The following TRAPPC9 variants were observed in gnomAD, a reference collection of about 807,000 sequenced individuals.
TRAPPC9 encodes trafficking protein particle complex subunit 9.
A neutral mutation model predicts 124.0 loss-of-function variants in TRAPPC9; 83 were observed. The ratio of observed to expected loss-of-function variants is 0.67; its 90% CI spans 0.56 to 0.80. The LOEUF is 0.80. TRAPPC9 is among the 30% of genes least tolerant of loss of function. The pLI is 0.00. For synonymous variants in TRAPPC9, 638 were observed against 617.5 expected (o/e 1.03, Z -0.49); for missense variants, 1,302 against 1,508.3 (o/e 0.86, Z 2.27).
chr8:140,228,418 T>C (rs1408589654), intron 16 of TRAPPC9, among the ~76,000 whole-genome samples: 1 of 152,234 alleles, frequency 6.6e-6, no homozygotes. Context: ...TAGCCAATAC[T>C]CATCCTTAAT....
intron 21 of TRAPPC9, among the ~76,000 whole-genome samples, chr8:139,874,177 G>T (rs1829175815): frequency 6.6e-6 from 1 of 152,238 alleles, no homozygotes; most frequent in African/African-American, 2.4e-5. Flanking sequence ...ATGGAAAAAT[G>T]AAACATTAAT....
rs532487091 is a variant in TRAPPC9 at position 139,967,904 on chromosome 8, C to T, written c.2810+20822G>A. Among the ~76,000 whole-genome samples, 150 of 152,110 alleles carry T rather than the reference C, an allele frequency of 9.9e-4. 1 individual carries two copies. The highest frequency in any genetic ancestry group is 3.4e-3 in the Middle Eastern group (1 of 294). ...CTATAATCCCAGCACTTTGGGAGGC[C>T]GAGGCGGGCGGACTGCCTGAGGTCA... is the stretch of plus-strand genomic sequence containing the variant. On this transcript the variant is annotated intron_variant, in intron 19 of 22. Transcript: ENST00000438773.
chr8:140,300,580 G>A lies in TRAPPC9; in HGVS notation c.1657C>T (p.Arg553Trp), dbSNP rs769467379. 1.1e-5 allele frequency: 18 copies of A among 1,614,076 alleles called. No homozygotes were observed. Among genetic ancestry groups the A allele is most frequent in the Middle Eastern group, 1.6e-4 (1 of 6,084 alleles). The change falls in exon 11 of 23, where the codon CGG becomes TGG. Residue 553 changes from arginine (R) to tryptophan (W), a missense_variant. By Grantham distance (101) the Arg-to-Trp change is moderately radical. Transcript: ENST00000438773. The part of the protein sequence containing the change: ...VKLLNLPASL[R>W]PHKMKSLLGQ... ...AGCAAGCTTTTCATTTTGTGTGGCCGGAGGCTAGCAGGAAGGTTCAATAGT... is the reference window on the plus strand; with the variant it reads ...AGCAAGCTTTTCATTTTGTGTGGCCAGAGGCTAGCAGGAAGGTTCAATAGT...
chr8:139,985,759 T>A (rs909761739), intron 19 of TRAPPC9, among the ~76,000 whole-genome samples: 3 of 152,144 alleles, frequency 2.0e-5, no homozygotes, highest in African/African-American at 7.2e-5. Flanking sequence ...TCACATTAAA[T>A]ATGAATACCC....
chr8:139,951,782 G>T (rs1834661587), intron 19 of TRAPPC9, among the ~76,000 whole-genome samples: 1 of 152,210 alleles, frequency 6.6e-6, no homozygotes, highest in South Asian at 2.1e-4. Context: ...ATCTTCTAAA[G>T]GCCAGAGATT....
chr8:140,031,048 T>C (rs1001095537), intron 17 of TRAPPC9, among the ~76,000 whole-genome samples: 9 of 152,220 alleles, frequency 5.9e-5, no homozygotes, highest in African/African-American at 1.2e-4. Context: ...ATCCTGACCA[T>C]TAATAGACAT....
At chr8:140,305,039 C>T (rs566992805) in intron 10 of TRAPPC9, among the ~76,000 whole-genome samples, 1 of 152,314 alleles carries the variant, frequency 6.6e-6, no homozygotes, top group South Asian at 2.1e-4. Context: ...ATGTTCTCTT[C>T]GAGAGAATCC....
chr8:139,804,973 C>G (rs1466727306), intron 21 of TRAPPC9, among the ~76,000 whole-genome samples: 6 of 152,232 alleles, frequency 3.9e-5, no homozygotes, highest in African/African-American at 1.4e-4. Context: ...GCCAGGTCCT[C>G]AAGTGGCAAC....
chr8:139,968,224 C>G (rs562951413), intron 19 of TRAPPC9, among the ~76,000 whole-genome samples: 1 of 152,258 alleles, frequency 6.6e-6, no homozygotes, highest in African/African-American at 2.4e-5. Context: ...TCTGTGTGCT[C>G]TTTCATTACG....
chr8:140,296,813 C>T (rs1487286095), intron 11 of TRAPPC9, among the ~76,000 whole-genome samples: 1 of 152,254 alleles, frequency 6.6e-6, no homozygotes, highest in Non-Finnish European at 1.5e-5. Flanking sequence ...GGAAGTTTTT[C>T]TCAACGAAAG....
At chr8:139,771,784 C>T (rs1370692333) in intron 21 of TRAPPC9, among the ~76,000 whole-genome samples, 7 of 152,192 alleles carry the variant, frequency 4.6e-5, no homozygotes, top group African/African-American at 1.7e-4. Context: ...CTGGGCTGAC[C>T]CAAACCTGCT....
intron 9 of TRAPPC9, among the ~76,000 whole-genome samples, chr8:140,343,409 A>G (rs950193096): frequency 2.0e-5 from 3 of 152,266 alleles, no homozygotes; most frequent in African/African-American, 7.2e-5. Flanking sequence ...TTTCAAACAT[A>G]TAAGTTTACA....
chr8:139,818,921 C>T lies in TRAPPC9; in HGVS notation c.3055+66958G>A, dbSNP rs1462744440. 5.3e-5 allele frequency among the ~76,000 whole-genome samples: 8 copies of T among 152,312 alleles called. No individual in the cohort carries two copies. The East Asian group carries it at 1.5e-3, about 29-fold the overall frequency. On this transcript the variant is annotated intron_variant, in intron 21 of 22. Transcript: ENST00000438773. ...CACTCTTTTCTGTGACCTCTTAGTC[C>T]CTTGTACACATCTTAACCACAAGAT...
intron 21 of TRAPPC9, among the ~76,000 whole-genome samples, chr8:139,847,902 C>T (rs1827196994): frequency 6.6e-6 from 1 of 152,358 alleles, no homozygotes; most frequent in Non-Finnish European, 1.5e-5. Context: ...AGGCAAAAAG[C>T]TCACCACCAC....
Position 140,114,234 on chromosome 8 carries a change from A to T in TRAPPC9, c.2557-90155T>A, listed in dbSNP as rs141006189. ...GGCTGTCCTTACATTTGAGGAGTAA[A>T]TGGAACACCACCCCCAGGCCATATA... On this transcript the variant is annotated intron_variant, in intron 17 of 22. Coordinates refer to ENST00000438773, the MANE Select transcript of TRAPPC9 (RefSeq NM_001160372.4). Among the ~76,000 whole-genome samples the T allele has an allele frequency of 6.3e-3, 937 of 149,304 alleles. 8 individuals are homozygous for T. Among genetic ancestry groups the T allele is most frequent in the African/African-American group, 0.021 (877 of 40,948 alleles).
intron 2 of TRAPPC9, among the ~76,000 whole-genome samples, chr8:140,440,608 C>G (rs567523487): frequency 2.8e-4 from 42 of 152,106 alleles, no homozygotes; most frequent in Non-Finnish European, 5.3e-4. Context: ...CCCTGCACCC[C>G]CTTCCCCTTC....
intron 11 of TRAPPC9, among the ~76,000 whole-genome samples, chr8:140,295,788 G>C (rs756628335): frequency 2.0e-5 from 3 of 152,200 alleles, no homozygotes; most frequent in Non-Finnish European, 4.4e-5. Flanking sequence ...TTAGGTTAAA[G>C]TTATGTGATC....
chr8:140,124,566 CG>C (rs11478661), intron 17 of TRAPPC9, among the ~76,000 whole-genome samples: 76,993 of 152,040 alleles, frequency 0.51, 20,542 homozygotes, highest in African/African-American at 0.66. Flanking sequence ...CATCTTTGGG[CG>C]GGGGGGCATT....
intron 10 of TRAPPC9, among the ~76,000 whole-genome samples, chr8:140,310,915 C>A (rs1332848825): frequency 6.6e-6 from 1 of 151,834 alleles, no homozygotes; most frequent in African/African-American, 2.4e-5. Flanking sequence ...TGAAAACTTC[C>A]AAGGAGAAGA....
Sources: allele counts gnomAD v4.1 joint callset (sites outside exome capture counted in the v4.1 genomes callset), GRCh38; gene constraint gnomAD v4.1.1; transcripts MANE v1.5; gene names NCBI Gene and HGNC (gene_info 2026-07-23, HGNC 2026-07-21).